The following EXOC5 variants were observed in gnomAD, a reference collection of about 807,000 sequenced individuals.
EXOC5 encodes the protein exocyst complex component 5.
A neutral mutation model predicts 90.8 loss-of-function variants in EXOC5; 17 were observed. The observed-to-expected ratio is 0.19, with a 90% confidence interval of 0.13 to 0.28. The LOEUF (loss-of-function observed/expected upper bound fraction) is 0.28. Ranked by LOEUF, EXOC5 falls within the 10% of genes least tolerant of loss-of-function variation. The pLI, the probability that EXOC5 is intolerant of heterozygous loss-of-function variation, is 1.00. For synonymous variants in EXOC5, 260 were observed against 270.0 expected (o/e 0.96, Z 0.36); for missense variants, 569 against 830.6 (o/e 0.69, Z 3.87).
At chr14:57,227,250 A>G (rs1262385784) in intron 12 of EXOC5, among the ~76,000 whole-genome samples, 1 of 152,138 alleles carries the variant, frequency 6.6e-6, no homozygotes, top group Non-Finnish European at 1.5e-5. Flanking sequence ...CTATAATCAA[A>G]TATCACTACA....
chr14:57,262,318 C>T (rs1884525721), intron 1 of EXOC5, among the ~76,000 whole-genome samples: 1 of 151,962 alleles, frequency 6.6e-6, no homozygotes, highest in Non-Finnish European at 1.5e-5. Context: ...AACTGAGGTA[C>T]AAAGAGGTTG....
intron 15 of EXOC5, among the ~76,000 whole-genome samples, chr14:57,213,902 A>G (rs1882898252): frequency 1.3e-5 from 2 of 151,938 alleles, no homozygotes; most frequent in African/African-American, 4.8e-5. Context: ...CCCAGGAGGC[A>G]TGGGTTGAAG....
Position 57,231,724 on chromosome 14 carries a change from G to GAAAAAAAAAAA in EXOC5, c.939-10_939-9insTTTTTTTTTTT. 1 of 1,547,584 alleles carries GAAAAAAAAAAA rather than the reference G, an allele frequency of 6.5e-7. No individual in the cohort carries two copies. Among genetic ancestry groups the GAAAAAAAAAAA allele is most frequent in the Non-Finnish European group, 8.8e-7 (1 of 1,135,672 alleles). ...TGGAAAGATTGGTGGTTCTTTTCAT[G>GAAAAAAAAAAA]AAAAAGGGGGAGAAAAAGATTAATA... On this transcript the variant is annotated splice_polypyrimidine_tract_variant and intron_variant, in intron 10 of 17. Coordinates refer to ENST00000621441, the MANE Select transcript of EXOC5 (RefSeq NM_006544.4).
chr14:57,239,714 A>G, intron 4 of EXOC5, 55 bp from the exon 5 acceptor site: 1 of 1,038,768 alleles, frequency 9.6e-7, no homozygotes, highest in Non-Finnish European at 1.4e-6. Flanking sequence ...CATATCAAAA[A>G]ATAATTATAT....
rs533637998 is a variant in EXOC5, at chr14:57,207,657, T to C, written c.*952A>G. ...TTCTTAAAATAAAAGACTAACCACA[T>C]GTTCAGCCATTCCATCTTATTCAAG... is the stretch of plus-strand genomic sequence containing the variant. On this transcript the variant is annotated 3_prime_UTR_variant, in exon 18 of 18. Transcript: ENST00000621441. 1 of 152,228 alleles carries C rather than the reference T, an allele frequency of 6.6e-6. No homozygotes were observed. Among genetic ancestry groups the C allele is most frequent in the East Asian group, 1.9e-4 (1 of 5,184 alleles). 9.4% of individuals were successfully genotyped at this position (152,228 alleles called of 1,614,324 possible). A position where few individuals can be genotyped will look rare whatever the true frequency, so the allele number is the denominator to read the frequency against.
intron 13 of EXOC5, among the ~76,000 whole-genome samples, chr14:57,220,135 CAT>C (rs1372873097): frequency 3.9e-5 from 6 of 151,910 alleles, no homozygotes; most frequent in Non-Finnish European, 5.9e-5. Context: ...AGGCTTGACA[CAT>C]AGAGTTCTTT....
At chr14:57,215,268 G>A (rs1313318576) in intron 15 of EXOC5, among the ~76,000 whole-genome samples, 3 of 151,774 alleles carry the variant, frequency 2.0e-5, no homozygotes, top group Non-Finnish European at 2.9e-5. Flanking sequence ...AACACCAATC[G>A]TTCTCAAACT....
chr14:57,218,691 T>G (rs1883040287), intron 14 of EXOC5, among the ~76,000 whole-genome samples: 1 of 152,092 alleles, frequency 6.6e-6, no homozygotes, highest in South Asian at 2.1e-4. Context: ...GACTGTTATC[T>G]TTGAGACTGT....
At chr14:57,229,359 G>C (rs1298710454) in intron 12 of EXOC5, among the ~76,000 whole-genome samples, 1 of 152,016 alleles carries the variant, frequency 6.6e-6, no homozygotes, top group African/African-American at 2.4e-5. Flanking sequence ...CTAACTGTAA[G>C]TTCTGTATCT....
At chr14:57,259,199 A>C (rs1344307889) in intron 1 of EXOC5, among the ~76,000 whole-genome samples, 1 of 152,054 alleles carries the variant, frequency 6.6e-6, no homozygotes, top group Non-Finnish European at 1.5e-5. Flanking sequence ...CCTGGGTTCA[A>C]GCAAGTCTCA....
chr14:57,238,369 T>TACACAC (rs1296416335), intron 5 of EXOC5, among the ~76,000 whole-genome samples: 5 of 99,344 alleles, frequency 5.0e-5, no homozygotes, highest in African/African-American at 1.9e-4. Flanking sequence ...TATATATATA[T>TACACAC]ATATATACAC....
intron 15 of EXOC5, among the ~76,000 whole-genome samples, chr14:57,211,432 C>A (rs917228194): frequency 4.0e-5 from 4 of 99,774 alleles, no homozygotes; most frequent in Non-Finnish European, 6.6e-5. Context: ...TCTTCAAAGT[C>A]ACCACCTTGT....
intron 2 of EXOC5, 34 bp downstream of exon 2, chr14:57,247,584 T>C (rs946022656): frequency 3.0e-6 from 3 of 998,212 alleles, no homozygotes; most frequent in Admixed American, 2.3e-5. Flanking sequence ...TGTACCAGAT[T>C]AGATCTGTGG....
intron 1 of EXOC5, among the ~76,000 whole-genome samples, chr14:57,266,261 T>C (rs1884666166): frequency 6.6e-6 from 1 of 152,182 alleles, no homozygotes; most frequent in Non-Finnish European, 1.5e-5. Flanking sequence ...GAGAAAAAGA[T>C]ACTTCCCGTG....
intron 4 of EXOC5, among the ~76,000 whole-genome samples, chr14:57,242,355 C>G (rs1303370390): frequency 6.6e-6 from 1 of 151,836 alleles, no homozygotes; most frequent in East Asian, 2.0e-4. Flanking sequence ...AGCAATCCTC[C>G]TGCCTCAGCC....
chr14:57,214,338 C>T (rs1326382082), intron 15 of EXOC5, among the ~76,000 whole-genome samples: 1 of 152,114 alleles, frequency 6.6e-6, no homozygotes, highest in Non-Finnish European at 1.5e-5. Context: ...TGACTGTGCC[C>T]TGTCACATGA....
intron 1 of EXOC5, among the ~76,000 whole-genome samples, chr14:57,256,647 C>A (rs1884357323): frequency 6.6e-6 from 1 of 152,218 alleles, no homozygotes; most frequent in Admixed American, 6.5e-5. Flanking sequence ...CAAGAAGGGA[C>A]TTGCTCTAAC....
At chr14:57,260,966 G>A (rs1884486550) in intron 1 of EXOC5, among the ~76,000 whole-genome samples, 1 of 152,152 alleles carries the variant, frequency 6.6e-6, no homozygotes, top group South Asian at 2.1e-4. Flanking sequence ...CCTTGGAAAT[G>A]AAATTAAACA....
chr14:57,212,343 T>C lies in EXOC5; in HGVS notation c.1614-2282A>G, dbSNP rs1000833822. Among the ~76,000 whole-genome samples, 3 of 152,224 alleles carry C rather than the reference T, an allele frequency of 2.0e-5. No individual in the cohort carries two copies. In the East Asian group the frequency reaches 5.8e-4, roughly 29 times the overall value. Reference sequence around the variant, plus strand: ...GTGTAAGCCACTAGTACAAAATGTTTGTAAAACCAATCAGAAAAGACATCC... The same window carrying C: ...GTGTAAGCCACTAGTACAAAATGTTCGTAAAACCAATCAGAAAAGACATCC... On this transcript the variant is annotated intron_variant, in intron 15 of 17. Coordinates refer to ENST00000621441, the MANE Select transcript of EXOC5 (RefSeq NM_006544.4).
Sources: gnomAD v4.1 joint callset for allele counts (sites outside exome capture counted in the v4.1 genomes callset) on GRCh38, gnomAD v4.1.1 for gene constraint, MANE v1.5 for transcripts, NCBI Gene and HGNC (gene_info 2026-07-23, HGNC 2026-07-21) for gene names.